Variants in CEP350 observed in about 807,000 individuals in gnomAD.
CEP350 encodes centrosomal protein 350, also known as centrosome-associated protein 350.
In CEP350, 126 loss-of-function variants were observed where a neutral mutation model predicts 331.8. The ratio of observed to expected loss-of-function variants is 0.38; its 90% CI spans 0.33 to 0.44. The LOEUF (loss-of-function observed/expected upper bound fraction) is 0.44, where lower values mean the gene tolerates loss of function less well. Ranked by LOEUF, CEP350 falls within the 20% of genes least tolerant of loss-of-function variation. The pLI is 1.00. For missense variants in CEP350, 3,406 were observed against 3,634.6 expected, an observed-to-expected ratio of 0.94 and a Z score of 1.62; for synonymous variants, 1,200 against 1,259.5, an observed-to-expected ratio of 0.95 and a Z score of 1.00.
At chr1:179,958,388 A>T (rs983573878) in intron 1 of CEP350, among the ~76,000 whole-genome samples, 4 of 152,222 alleles carry the variant, frequency 2.6e-5, no homozygotes, top group Admixed American at 2.6e-4. Context: ...TTATATTAGC[A>T]TTATTTCAAG....
intron 22 of CEP350, among the ~76,000 whole-genome samples, chr1:180,049,939 G>C (rs1426645899): frequency 6.6e-6 from 1 of 152,164 alleles, no homozygotes; most frequent in Non-Finnish European, 1.5e-5. Flanking sequence ...TGATTCATGA[G>C]AGACTGGAAA....
chr1:180,050,946 G>A (rs752806892), intron 22 of CEP350, among the ~76,000 whole-genome samples: 21 of 152,282 alleles, frequency 1.4e-4, no homozygotes, highest in Non-Finnish European at 2.4e-4. Context: ...ATACATTGCT[G>A]GTGAGAATGG....
At chr1:180,065,020 G>C in intron 26 of CEP350, 95 bp from the exon 27 acceptor site, 8 of 1,270,606 alleles carry the variant, frequency 6.3e-6, no homozygotes, top group Non-Finnish European at 8.4e-6. Flanking sequence ...TATAAACATT[G>C]TATTGTGGAT....
At chr1:180,044,245 T>G (rs1265258810) in intron 21 of CEP350, 72 bp downstream of exon 21, 3 of 1,371,474 alleles carry the variant, frequency 2.2e-6, no homozygotes, top group Non-Finnish European at 2.9e-6. Flanking sequence ...ATTGCTTTCT[T>G]TGATTTCTTA....
intron 36 of CEP350, among the ~76,000 whole-genome samples, chr1:180,098,529 A>G (rs1312594636): frequency 6.6e-6 from 1 of 151,618 alleles, no homozygotes; most frequent in African/African-American, 2.4e-5. Context: ...TTTTGTAGAG[A>G]TGAGGTCTCT....
chr1:179,963,645 T>C (rs1650791513), intron 1 of CEP350, among the ~76,000 whole-genome samples: 1 of 152,118 alleles, frequency 6.6e-6, no homozygotes, highest in African/African-American at 2.4e-5. Flanking sequence ...ATCAACTGGT[T>C]ATAGGTGTAT....
intron 1 of CEP350, among the ~76,000 whole-genome samples, chr1:179,959,773 A>G (rs773228243): frequency 1.3e-5 from 2 of 152,174 alleles, no homozygotes; most frequent in Admixed American, 6.5e-5. Context: ...AAACAAACAA[A>G]AAAACTTTTG....
At chr1:180,109,675 G>A (rs1015649994) in intron 37 of CEP350, among the ~76,000 whole-genome samples, 6 of 151,810 alleles carry the variant, frequency 4.0e-5, no homozygotes, top group Admixed American at 6.6e-5. Flanking sequence ...TCACTCTGTC[G>A]CCCAGGCTAC....
At chr1:180,082,126 A>G (rs1457218691) in intron 30 of CEP350, among the ~76,000 whole-genome samples, 2 of 152,210 alleles carry the variant, frequency 1.3e-5, no homozygotes, top group African/African-American at 4.8e-5. Context: ...TTTGTTAGCA[A>G]TGGAATAATG....
chr1:180,088,026 A>T (rs1026762287), intron 32 of CEP350, among the ~76,000 whole-genome samples: 1 of 152,186 alleles, frequency 6.6e-6, no homozygotes, highest in Non-Finnish European at 1.5e-5. Flanking sequence ...GCTATGTTTC[A>T]GAAGTCAAAA....
chr1:180,054,416 C>T lies in CEP350; in HGVS notation c.5176C>T (p.His1726Tyr). 1.3e-6 allele frequency: 2 copies of T among 1,583,300 alleles called. No individual in the cohort carries two copies. Among genetic ancestry groups the T allele is most frequent in the South Asian group, 1.2e-5 (1 of 86,496 alleles). ...ELAWLEHQKKHLRDKGEDDKM... is the reference protein window; with the variant it reads ...ELAWLEHQKKYLRDKGEDDKM... ...CTCAATGAAAAATATTATTTGCAGA[C>T]ATCTACGAGACAAAGGAGAGGATGA... Residue 1726 changes from histidine (H) to tyrosine (Y), a missense_variant and splice_region_variant, in exon 25 of 38, where the codon CAT becomes TAT. Around this residue, in one of 5 missense-constraint regions of CEP350, gnomAD observed 104 missense variants for 143.3 expected, o/e 0.73. Transcript: ENST00000367607.
At position 180,111,231 on chromosome 1, in the gene CEP350, C is replaced by T. The variant is rs1572018117; in HGVS notation, c.*70C>T. 1.3e-6 allele frequency: 2 copies of T among 1,547,958 alleles called. No homozygotes were observed. The highest frequency in any genetic ancestry group is 4.5e-5 in the East Asian group (2 of 44,126). On this transcript the variant is annotated 3_prime_UTR_variant, in exon 38 of 38. Transcript: ENST00000367607. ...GGCCTTTCTGCCTCCTGATGTACAC[C>T]CATCGCCATCATAGCAAGAGTGCTT...
chr1:179,959,450 T>G (rs1379722094), intron 1 of CEP350, among the ~76,000 whole-genome samples: 2 of 152,016 alleles, frequency 1.3e-5, no homozygotes, highest in African/African-American at 4.8e-5. Context: ...AGACTCCATC[T>G]CAAAACAAAC....
At position 180,093,759 on chromosome 1, in the gene CEP350, G is replaced by A. The variant is rs1357520177; in HGVS notation, c.7654G>A (p.Glu2552Lys). The A allele has an allele frequency of 6.2e-7, 1 of 1,613,912 alleles. No homozygotes were observed. The highest frequency in any genetic ancestry group is 1.1e-5 in the South Asian group (1 of 91,078). ...TGGTATTGCATATTTTGAGTGCAAAGAAAAGCATGGTATTTTTGCTCCTCC... is the reference window on the plus strand; with the variant it reads ...TGGTATTGCATATTTTGAGTGCAAAAAAAAGCATGGTATTTTTGCTCCTCC... ...YDGIAYFECK[E>K]KHGIFAPPQK... Residue 2552 changes from glutamate to lysine, a missense_variant, in exon 34 of 38, where the codon GAA becomes AAA. By Grantham distance (56) the Glu-to-Lys change is moderately conservative (BLOSUM62 1). Around this residue, in one of 5 missense-constraint regions of CEP350, gnomAD observed 1,415 missense variants for 1,512.3 expected, o/e 0.94. Transcript: ENST00000367607.
chr1:180,084,893 A>G (rs1216066736), intron 31 of CEP350, among the ~76,000 whole-genome samples: 1 of 152,106 alleles, frequency 6.6e-6, no homozygotes, highest in Non-Finnish European at 1.5e-5. Context: ...TAAATATTAA[A>G]ATAAAGTATT....
At position 179,996,922 on chromosome 1, in the gene CEP350, T is replaced by G. The variant is rs1250689345; in HGVS notation, c.765T>G (p.Thr255=). ...HDTDPKALRL[T]DSSPSSTSTS... ...CTGATCCAAAAGCGTTACGACTAAC[T>G]GACTCTTCTCCATCCTCTACTAGTA... The change falls in exon 6 of 38, where the codon ACT becomes ACG. Residue 255 remains threonine (T), a synonymous_variant. Coordinates refer to ENST00000367607, the MANE Select transcript of CEP350 (RefSeq NM_014810.5). 1 of 1,614,046 alleles carries G rather than the reference T, an allele frequency of 6.2e-7. No homozygotes were observed. Among genetic ancestry groups the G allele is most frequent in the South Asian group, 1.1e-5 (1 of 91,080 alleles).
intron 1 of CEP350, among the ~76,000 whole-genome samples, chr1:179,967,124 G>A (rs1651074297): frequency 6.6e-6 from 1 of 152,178 alleles, no homozygotes; most frequent in Non-Finnish European, 1.5e-5. Context: ...CTCTGAAAAT[G>A]TGTACAGTTG....
chr1:180,052,969 G>A lies in CEP350; in HGVS notation c.4793-1G>A. The A allele has an allele frequency of 8.4e-7, 1 of 1,186,316 alleles. No homozygotes were observed. Among genetic ancestry groups the A allele is most frequent in the Non-Finnish European group, 1.2e-6 (1 of 813,560 alleles). The allele number at this position is 1,186,316 out of a possible 1,614,324, so 73.5% of individuals were successfully genotyped here. A position where few individuals can be genotyped will look rare whatever the true frequency, so the allele number is the denominator to read the frequency against. On this transcript the variant is annotated splice_acceptor_variant, in intron 22 of 37. Coordinates refer to ENST00000367607, the MANE Select transcript of CEP350 (RefSeq NM_014810.5). LOFTEE classifies it high-confidence loss of function. ...AATCTACTTTCTCCATATTCTTTTAGACTCAACGTCTATTGCAACAGAATA... is the reference window on the plus strand; with the variant it reads ...AATCTACTTTCTCCATATTCTTTTAAACTCAACGTCTATTGCAACAGAATA...
intron 26 of CEP350, among the ~76,000 whole-genome samples, 167 bp from the exon 27 acceptor site, chr1:180,064,948 G>C (rs1321248064): frequency 1.3e-5 from 2 of 152,018 alleles, no homozygotes; most frequent in Non-Finnish European, 2.9e-5. Context: ...AAATGTACTA[G>C]TTTAACCATT....
Sources: gnomAD v4.1 joint callset for allele counts (sites outside exome capture counted in the v4.1 genomes callset) on GRCh38, gnomAD v4.1.1 for gene constraint, gnomAD v4.1.1 regional missense constraint, MANE v1.5 for transcripts, NCBI Gene and HGNC (gene_info 2026-07-23, HGNC 2026-07-21) for gene names.